ARHGAP6: variants seen among roughly 807,000 people sequenced by gnomAD.
The protein encoded by ARHGAP6 is Rho GTPase activating protein 6, also known as rho GTPase-activating protein 6.
Under a neutral mutation model 55.7 loss-of-function variants are expected in ARHGAP6, and 16 were observed. The observed-to-expected ratio is 0.29, with a 90% CI of 0.19 to 0.44. The LOEUF is 0.44. Among genes scored for constraint, ARHGAP6 ranks in the 20% least tolerant of loss-of-function variants. The pLI is 1.00. For missense variants in ARHGAP6, 698 were observed against 808.9 expected, an observed-to-expected ratio of 0.86 and a Z score of 1.66; for synonymous variants, 382 against 360.9, an observed-to-expected ratio of 1.06 and a Z score of -0.66.
intron 11 of ARHGAP6, chrX:11,143,065 A>G (rs1228715240): frequency 8.9e-6 from 1 of 111,958 alleles, no homozygotes; most frequent in Non-Finnish European, 1.9e-5. Flanking sequence ...TAGCTTATCC[A>G]TCAATATTTA....
At chrX:11,372,690 T>C (rs757013752) in intron 1 of ARHGAP6, among the ~76,000 whole-genome samples, 1 of 97,978 alleles carries the variant, frequency 1.0e-5, no homozygotes, top group African/African-American at 4.0e-5. Flanking sequence ...GAGAATGGCC[T>C]GAACCTAGGA....
chrX:11,502,827 C>G (rs1027879365), intron 1 of ARHGAP6, among the ~76,000 whole-genome samples: 1 of 112,057 alleles, frequency 8.9e-6, no homozygotes, highest in African/African-American at 3.2e-5. Flanking sequence ...TGCAAGGCCT[C>G]TGGTCAACAG....
intron 1 of ARHGAP6, among the ~76,000 whole-genome samples, chrX:11,378,251 A>G (rs1368892008): frequency 8.9e-6 from 1 of 112,584 alleles, no homozygotes; most frequent in Non-Finnish European, 1.9e-5. Context: ...ATATCATAAA[A>G]TTCAACAATT....
At chrX:11,595,976 A>G (rs994734273) in intron 1 of ARHGAP6, among the ~76,000 whole-genome samples, 4 of 112,208 alleles carry the variant, frequency 3.6e-5, no homozygotes, top group African/African-American at 9.7e-5. Context: ...TGTTGGTGGG[A>G]ATGTAAATTA....
chrX:11,197,862 G>A (rs773975372), intron 2 of ARHGAP6, among the ~76,000 whole-genome samples: 1 of 111,899 alleles, frequency 8.9e-6, no homozygotes, highest in East Asian at 2.8e-4. Flanking sequence ...TTGCCAGAAT[G>A]CGTTTTGAGG....
At chrX:11,344,678 C>CAAAAAAAAAAAAAA (rs34123570) in intron 1 of ARHGAP6, among the ~76,000 whole-genome samples, 122 of 28,228 alleles carry the variant, frequency 4.3e-3, no homozygotes, top group Middle Eastern at 0.032. Context: ...AACTCCATCA[C>CAAAAAAAAAAAAAA]AAAAAAAAAA....
chrX:11,385,776 G>A (rs1387054299), intron 1 of ARHGAP6, among the ~76,000 whole-genome samples: 1 of 111,802 alleles, frequency 8.9e-6, no homozygotes, highest in Non-Finnish European at 1.9e-5. Context: ...TGGTATTTAA[G>A]GGATCAAAAG....
Position 11,298,432 on chromosome X carries a change from G to A in ARHGAP6, c.589-43725C>T, listed in dbSNP as rs914939747. On this transcript the variant is annotated intron_variant, in intron 1 of 12. Coordinates refer to ENST00000337414, the MANE Select transcript of ARHGAP6 (RefSeq NM_013427.3). The stretch of plus-strand genomic sequence containing the variant: ...TCTGTGTACACAGTTACAAATTTTT[G>A]CAAAGGAAAAATGAATAAAATATTC... 3.0e-5 allele frequency: 35 copies of A among 1,148,665 alleles called. No homozygotes were observed. In the South Asian group the frequency reaches 5.0e-4, roughly 16 times the overall value. The allele number at this position is 1,148,665 out of a possible 1,213,427, so 94.7% of individuals were successfully genotyped here.
chrX:11,572,639 C>CA (rs1356312182), intron 1 of ARHGAP6, among the ~76,000 whole-genome samples: 1 of 111,563 alleles, frequency 9.0e-6, no homozygotes, highest in Non-Finnish European at 1.9e-5. Flanking sequence ...AACAGTGCCG[C>CA]AATAAACATA....
chrX:11,180,282 T>C (rs760268705), intron 6 of ARHGAP6, among the ~76,000 whole-genome samples: 2 of 111,537 alleles, frequency 1.8e-5, no homozygotes, highest in Non-Finnish European at 3.8e-5. Flanking sequence ...TGTTCTCTGC[T>C]GTAGAAATAA....
chrX:11,174,635 CTTT>C (rs2046168943), intron 8 of ARHGAP6, among the ~76,000 whole-genome samples: 1 of 45,911 alleles, frequency 2.2e-5, no homozygotes, highest in Non-Finnish European at 3.8e-5. Flanking sequence ...TTCTTTCTTT[CTTT>C]CTTTCTTTCT....
At chrX:11,225,391 G>C (rs1274012230) in intron 2 of ARHGAP6, among the ~76,000 whole-genome samples, 1 of 111,051 alleles carries the variant, frequency 9.0e-6, no homozygotes, top group Non-Finnish European at 1.9e-5. Flanking sequence ...ATTGTAGGAA[G>C]GGTCATCAAA....
At chrX:11,483,304 A>G (rs1354604524) in intron 1 of ARHGAP6, among the ~76,000 whole-genome samples, 2 of 111,718 alleles carry the variant, frequency 1.8e-5, no homozygotes, top group Non-Finnish European at 3.8e-5. Context: ...ATTGTTGTAA[A>G]CCACTCATGT....
At chrX:11,610,169 G>T (rs2052086497) in intron 1 of ARHGAP6, among the ~76,000 whole-genome samples, 1 of 109,739 alleles carries the variant, frequency 9.1e-6, no homozygotes, top group Admixed American at 9.7e-5. Context: ...TGTATGACCA[G>T]ATTGGTGTAA....
intron 2 of ARHGAP6, among the ~76,000 whole-genome samples, chrX:11,230,515 AC>A (rs1320769539): frequency 1.8e-5 from 2 of 110,583 alleles, no homozygotes; most frequent in Non-Finnish European, 3.8e-5. Context: ...TATTTATGTC[AC>A]CCCTTAGTAC....
intron 2 of ARHGAP6, 60 bp from the exon 3 acceptor site, chrX:11,197,056 C>T (rs763926499): frequency 7.4e-4 from 431 of 583,471 alleles, no homozygotes; most frequent in Non-Finnish European, 7.7e-4. Context: ...TTTACAGTAT[C>T]GATAATTACA....
chrX:11,365,440 G>C (rs1310483077), intron 1 of ARHGAP6, among the ~76,000 whole-genome samples: 1 of 111,874 alleles, frequency 8.9e-6, no homozygotes, highest in Non-Finnish European at 1.9e-5. Flanking sequence ...TCTCCCTCTT[G>C]GTTTGTATTT....
At chrX:11,365,493 C>T (rs1450603036) in intron 1 of ARHGAP6, among the ~76,000 whole-genome samples, 3 of 112,317 alleles carry the variant, frequency 2.7e-5, no homozygotes, top group Non-Finnish European at 5.6e-5. Context: ...TCAATCAATT[C>T]TTATTTTAAT....
intron 1 of ARHGAP6, among the ~76,000 whole-genome samples, chrX:11,409,304 C>T (rs934132021): frequency 5.3e-5 from 6 of 112,195 alleles, no homozygotes; most frequent in African/African-American, 1.9e-4. Context: ...AGATCCACAG[C>T]CTGCAAGAAA....
Sources: gnomAD v4.1 joint callset for allele counts (sites outside exome capture counted in the v4.1 genomes callset) on GRCh38, gnomAD v4.1.1 for gene constraint, MANE v1.5 for transcripts, NCBI Gene and HGNC (gene_info 2026-07-23, HGNC 2026-07-21) for gene names.